Variants in NUP37 observed in about 807,000 individuals in gnomAD.
NUP37 encodes nucleoporin Nup37.
In NUP37, 33 loss-of-function variants were observed where a neutral mutation model predicts 45.4. The ratio of observed to expected loss-of-function variants is 0.73; its 90% confidence interval spans 0.55 to 0.97. The LOEUF is 0.97. NUP37 is among the 50% of genes least tolerant of loss of function. NUP37 has a pLI of 0.00. For synonymous variants in NUP37, 127 were observed against 130.7 expected (o/e 0.97, Z 0.19); for missense variants, 365 against 389.7 (o/e 0.94, Z 0.53).
chr12:102,079,854 C>G (rs958533537), intron 6 of NUP37, among the ~76,000 whole-genome samples: 2 of 152,162 alleles, frequency 1.3e-5, no homozygotes, highest in Non-Finnish European at 2.9e-5. Context: ...CCAGAGTTCA[C>G]CTTGTTCAAT....
In NUP37 at chr12:102,117,029, G is replaced by T. The variant is rs114382045; in HGVS notation, c.156+1334C>A. On this transcript the variant is annotated intron_variant, in intron 2 of 9. Coordinates refer to ENST00000552283, the MANE Select transcript of NUP37 (RefSeq NM_024057.4). ...AACAAAACAAAACAAAAACAGAATTGCCTTCTCAGTAAAGGAGGAAATAAC... is the reference window on the plus strand; with the variant it reads ...AACAAAACAAAACAAAAACAGAATTTCCTTCTCAGTAAAGGAGGAAATAAC... Among the ~76,000 whole-genome samples, 1,143 of 152,212 alleles carry T rather than the reference G, an allele frequency of 7.5e-3. 15 individuals carry two copies. Among genetic ancestry groups the T allele is most frequent in the African/African-American group, 0.026 (1,090 of 41,536 alleles).
chr12:102,074,450 A>C lies in NUP37; in HGVS notation c.885T>G (p.Ser295=). 1.2e-6 allele frequency: 2 copies of C among 1,606,436 alleles called. No homozygotes were observed. The highest frequency in any genetic ancestry group is 1.1e-5 in the South Asian group (1 of 90,110). The part of the protein sequence containing the change: ...LGHPQPILMG[S]VAVGSGLSWH... Reference sequence around the variant, plus strand: ...AGGACAGTCCAGATCCAACGGCTACAGAACCCATGAGGATGGGCTATAAAA... The same window carrying C: ...AGGACAGTCCAGATCCAACGGCTACCGAACCCATGAGGATGGGCTATAAAA... Residue 295 remains serine (S), a synonymous_variant, in exon 10 of 10, where the codon TCT becomes TCG. Transcript: ENST00000552283.
chr12:102,078,441 T>C (rs1879244326), intron 6 of NUP37, among the ~76,000 whole-genome samples: 2 of 152,292 alleles, frequency 1.3e-5, no homozygotes, highest in Middle Eastern at 6.8e-3. Flanking sequence ...TTTTAAGTTA[T>C]GTTAGTTATA....
chr12:102,081,997 CA>C (rs1879344430), intron 6 of NUP37, among the ~76,000 whole-genome samples: 1 of 152,162 alleles, frequency 6.6e-6, no homozygotes, highest in South Asian at 2.1e-4. Flanking sequence ...TGCTCCCGGC[CA>C]CATTTAGCTA....
At chr12:102,118,727 G>A (rs1041524466) in intron 1 of NUP37, 144 bp from the exon 2 acceptor site, 1 of 494,022 alleles carries the variant, frequency 2.0e-6, no homozygotes, top group Non-Finnish European at 3.5e-6. Flanking sequence ...AGAAACTGCA[G>A]GAAAAATATT....
intron 3 of NUP37, among the ~76,000 whole-genome samples, chr12:102,108,580 T>C (rs1055853049): frequency 4.0e-4 from 61 of 152,242 alleles, no homozygotes; most frequent in African/African-American, 1.4e-3. Context: ...CTATTAGTTC[T>C]GTCCTTCTAG....
intron 5 of NUP37, among the ~76,000 whole-genome samples, chr12:102,089,191 T>C (rs1291993185): frequency 6.6e-6 from 1 of 152,116 alleles, no homozygotes; most frequent in Non-Finnish European, 1.5e-5. Context: ...ACCGCCATCG[T>C]CATCATGGCC....
At chr12:102,085,668 T>C (rs1879447240) in intron 6 of NUP37, 98 bp downstream of exon 6, 1 of 557,378 alleles carries the variant, frequency 1.8e-6, no homozygotes, top group Non-Finnish European at 3.1e-6. Flanking sequence ...ATCTCTGAGA[T>C]GGGAAAAATC....
intron 5 of NUP37, among the ~76,000 whole-genome samples, chr12:102,091,749 C>T (rs751216479): frequency 9.2e-5 from 14 of 152,082 alleles, no homozygotes; most frequent in African/African-American, 2.2e-4. Context: ...CCAATTTGAA[C>T]GATAATTATA....
At chr12:102,077,203 A>G in intron 7 of NUP37, 119 bp downstream of exon 7, 2 of 1,040,278 alleles carry the variant, frequency 1.9e-6, no homozygotes, top group South Asian at 1.3e-5. Context: ...CTTCTATAGG[A>G]AAGACTTGCT....
intron 3 of NUP37, among the ~76,000 whole-genome samples, chr12:102,101,709 A>G (rs1034478731): frequency 6.6e-6 from 1 of 152,198 alleles, no homozygotes; most frequent in Non-Finnish European, 1.5e-5. Context: ...TTAAAAAACA[A>G]AACCTAAGCA....
intron 3 of NUP37, among the ~76,000 whole-genome samples, chr12:102,105,037 T>A (rs1442102368): frequency 6.6e-6 from 1 of 152,208 alleles, no homozygotes; most frequent in East Asian, 1.9e-4. Flanking sequence ...CACAGACACT[T>A]TAACACTATG....
chr12:102,117,007 A>G (rs1006906092), intron 2 of NUP37, among the ~76,000 whole-genome samples: 3 of 152,228 alleles, frequency 2.0e-5, no homozygotes, highest in African/African-American at 7.2e-5. Flanking sequence ...GTCTCAAAAC[A>G]AAACAAAACA....
chr12:102,118,968 C>T (rs1246733209), intron 1 of NUP37: 2 of 153,830 alleles, frequency 1.3e-5, no homozygotes, highest in Non-Finnish European at 2.9e-5. Flanking sequence ...CATCTGGTAT[C>T]TGTACAAATC....
intron 5 of NUP37, among the ~76,000 whole-genome samples, chr12:102,087,710 C>T (rs1879512700): frequency 6.6e-6 from 1 of 152,186 alleles, no homozygotes; most frequent in Admixed American, 6.5e-5. Context: ...CAGCAAGTCC[C>T]ATGAGAGGAT....
chr12:102,075,982 A>C (rs564766173), intron 8 of NUP37, among the ~76,000 whole-genome samples: 1 of 152,152 alleles, frequency 6.6e-6, no homozygotes, highest in East Asian at 1.9e-4. Flanking sequence ...CCAATCCTTG[A>C]CACTGAGAAT....
intron 6 of NUP37, among the ~76,000 whole-genome samples, chr12:102,081,371 T>C (rs775356512): frequency 5.3e-5 from 8 of 152,098 alleles, no homozygotes; most frequent in Non-Finnish European, 1.2e-4. Flanking sequence ...AGTTTGGGAG[T>C]AGCTGAATCT....
At chr12:102,112,378 C>A (rs774461798) in intron 2 of NUP37, 146 bp from the exon 3 acceptor site, 3 of 565,740 alleles carry the variant, frequency 5.3e-6, no homozygotes, top group African/African-American at 3.8e-5. Context: ...TTAACTAGTT[C>A]ATTGAATTAA....
At chr12:102,117,639 A>T (rs1880502753) in intron 2 of NUP37, among the ~76,000 whole-genome samples, 1 of 152,204 alleles carries the variant, frequency 6.6e-6, no homozygotes, top group African/African-American at 2.4e-5. Flanking sequence ...TGCTCGTATC[A>T]ATGACAACTA....
Sources: gnomAD v4.1 joint callset for allele counts (sites outside exome capture counted in the v4.1 genomes callset) on GRCh38, gnomAD v4.1.1 for gene constraint, MANE v1.5 for transcripts, NCBI Gene and HGNC (gene_info 2026-07-23, HGNC 2026-07-21) for gene names.